The following STAG1 variants were observed in gnomAD, a reference collection of about 807,000 sequenced individuals.
The protein encoded by STAG1 is cohesin subunit SA-1.
Under a neutral mutation model 170.9 loss-of-function variants are expected in STAG1, and 26 were observed. The observed-to-expected ratio is 0.15, with a 90% CI of 0.11 to 0.21. The LOEUF is 0.21. STAG1 is among the 10% of genes least tolerant of loss of function. The pLI is 1.00. For missense variants in STAG1, 964 were observed against 1,509.5 expected, an observed-to-expected ratio of 0.64 and a Z score of 5.99; for synonymous variants, 514 against 497.7, an observed-to-expected ratio of 1.03 and a Z score of -0.44.
intron 6 of STAG1, among the ~76,000 whole-genome samples, chr3:136,526,017 T>G (rs1313559423): frequency 6.6e-6 from 1 of 152,208 alleles, no homozygotes; most frequent in East Asian, 1.9e-4. Context: ...TACTTCCAAC[T>G]ATGTGGTCAA....
At chr3:136,484,430 C>G (rs1358163429) in intron 9 of STAG1, among the ~76,000 whole-genome samples, 3 of 148,312 alleles carry the variant, frequency 2.0e-5, no homozygotes, top group Non-Finnish European at 3.0e-5. Flanking sequence ...AGGCAGTCTG[C>G]CCGTTCTCAG....
At chr3:136,672,771 A>T (rs1942015220) in intron 1 of STAG1, among the ~76,000 whole-genome samples, 1 of 152,222 alleles carries the variant, frequency 6.6e-6, no homozygotes, top group South Asian at 2.1e-4. Context: ...AAAAGAAGAT[A>T]CAGAGAATTC....
At chr3:136,381,956 C>T (rs1269991626) in intron 22 of STAG1, among the ~76,000 whole-genome samples, 5 of 152,164 alleles carry the variant, frequency 3.3e-5, no homozygotes, top group African/African-American at 1.2e-4. Flanking sequence ...CAAAGGAACA[C>T]TGTTCCACTG....
chr3:136,641,869 C>T (rs896648589), intron 1 of STAG1, among the ~76,000 whole-genome samples: 2 of 152,062 alleles, frequency 1.3e-5, no homozygotes, highest in African/African-American at 4.8e-5. Flanking sequence ...GGGTTGAAAA[C>T]CTCTGTGCTA....
At chr3:136,726,963 T>G (rs1280896229) in intron 1 of STAG1, among the ~76,000 whole-genome samples, 3 of 152,198 alleles carry the variant, frequency 2.0e-5, no homozygotes, top group African/African-American at 7.2e-5. Context: ...ATCCTTGCTC[T>G]TCCCTGTATC....
At chr3:136,495,220 G>C (rs923316820) in intron 9 of STAG1, among the ~76,000 whole-genome samples, 1 of 152,062 alleles carries the variant, frequency 6.6e-6, no homozygotes, top group African/African-American at 2.4e-5. Flanking sequence ...AAATGGTGCT[G>C]GGAAAACTGA....
chr3:136,683,731 A>G (rs530936023), intron 1 of STAG1, among the ~76,000 whole-genome samples: 5 of 152,372 alleles, frequency 3.3e-5, no homozygotes, highest in African/African-American at 1.2e-4. Context: ...AAAGGCATAC[A>G]GAATGGGAAG....
At chr3:136,707,537 TATAAC>T (rs1576791543) in intron 1 of STAG1, among the ~76,000 whole-genome samples, 1 of 151,214 alleles carries the variant, frequency 6.6e-6, no homozygotes, top group African/African-American at 2.4e-5. Flanking sequence ...TTGTGTTGCT[TATAAC>T]AGAATACCTG....
chr3:136,501,243 C>T (rs1933450713), intron 8 of STAG1, among the ~76,000 whole-genome samples: 1 of 152,064 alleles, frequency 6.6e-6, no homozygotes, highest in Non-Finnish European at 1.5e-5. Flanking sequence ...TTACGAAAGC[C>T]CAGCTCTAGT....
chr3:136,633,150 A>C (rs946633137), intron 1 of STAG1, among the ~76,000 whole-genome samples: 6 of 152,158 alleles, frequency 3.9e-5, no homozygotes, highest in African/African-American at 1.4e-4. Flanking sequence ...CATTTTTTTA[A>C]TGTTAATGTT....
intron 1 of STAG1, among the ~76,000 whole-genome samples, chr3:136,727,145 A>G (rs1452638905): frequency 6.7e-6 from 1 of 148,172 alleles, no homozygotes; most frequent in Non-Finnish European, 1.5e-5. Flanking sequence ...TTTTGTTTAC[A>G]TGATACTGTC....
At chr3:136,389,287 C>T (rs919725239) in intron 22 of STAG1, among the ~76,000 whole-genome samples, 2 of 151,984 alleles carry the variant, frequency 1.3e-5, no homozygotes, top group Non-Finnish European at 1.5e-5. Flanking sequence ...GCTGAGAAGG[C>T]CTTATGCTTT....
At chr3:136,450,242 G>C (rs543755906) in intron 14 of STAG1, among the ~76,000 whole-genome samples, 2 of 152,198 alleles carry the variant, frequency 1.3e-5, no homozygotes, top group African/African-American at 4.8e-5. Flanking sequence ...TGTGATCCTT[G>C]GACCACGAGC....
intron 29 of STAG1, 135 bp from the exon 30 acceptor site, chr3:136,344,141 A>T: frequency 1.7e-6 from 1 of 584,906 alleles, no homozygotes; most frequent in Middle Eastern, 4.9e-4. Flanking sequence ...CCACTTACTT[A>T]CATGACTTTG....
At chr3:136,430,336 A>G (rs895312166) in intron 16 of STAG1, among the ~76,000 whole-genome samples, 2 of 152,312 alleles carry the variant, frequency 1.3e-5, no homozygotes, top group East Asian at 1.9e-4. Context: ...AATATGAATG[A>G]TTACTGTAGG....
chr3:136,364,092 T>A (rs1346779062), intron 25 of STAG1, among the ~76,000 whole-genome samples: 6 of 150,846 alleles, frequency 4.0e-5, no homozygotes, highest in Non-Finnish European at 8.9e-5. Flanking sequence ...TTTGCTTTTA[T>A]TTGTTTTTGA....
chr3:136,675,947 T>C (rs927404086), intron 1 of STAG1, among the ~76,000 whole-genome samples: 1 of 152,272 alleles, frequency 6.6e-6, no homozygotes, highest in Non-Finnish European at 1.5e-5. Context: ...TTGTAGAATG[T>C]ACTTACACAA....
intron 1 of STAG1, among the ~76,000 whole-genome samples, chr3:136,652,973 GC>G (rs1941265393): frequency 6.6e-6 from 1 of 152,064 alleles, no homozygotes; most frequent in South Asian, 2.1e-4. Flanking sequence ...GGGAGACACT[GC>G]CCCTAGTTAA....
At chr3:136,702,411 G>C (rs886998453) in intron 1 of STAG1, among the ~76,000 whole-genome samples, 1 of 152,010 alleles carries the variant, frequency 6.6e-6, no homozygotes, top group African/African-American at 2.4e-5. Flanking sequence ...TTTTGAGATG[G>C]AGTCTTGCTC....
Sources: allele counts gnomAD v4.1 joint callset (sites outside exome capture counted in the v4.1 genomes callset), GRCh38; gene constraint gnomAD v4.1.1; transcripts MANE v1.5; gene names NCBI Gene and HGNC (gene_info 2026-07-23, HGNC 2026-07-21).